STK39: variants seen among roughly 807,000 people sequenced by gnomAD.
The protein encoded by STK39 is serine/threonine kinase 39, also known as STE20/SPS1-related proline-alanine-rich protein kinase.
Under a neutral mutation model 77.8 loss-of-function variants are expected in STK39, and 20 were observed. The ratio of observed to expected loss-of-function variants is 0.26; its 90% CI spans 0.18 to 0.37. The LOEUF is 0.37. STK39 is among the 10% of genes least tolerant of loss of function. The pLI is 1.00. For missense variants in STK39, 479 were observed against 656.5 expected, an observed-to-expected ratio of 0.73 and a Z score of 2.95; for synonymous variants, 246 against 234.1, an observed-to-expected ratio of 1.05 and a Z score of -0.47.
At chr2:168,221,251 C>T (rs1274273977) in intron 1 of STK39, among the ~76,000 whole-genome samples, 1 of 152,108 alleles carries the variant, frequency 6.6e-6, no homozygotes, top group Non-Finnish European at 1.5e-5. Flanking sequence ...TGTTTCTTTT[C>T]GTTATTTCTC....
chr2:168,142,785 A>G (rs953050808), intron 5 of STK39, among the ~76,000 whole-genome samples: 13 of 152,330 alleles, frequency 8.5e-5, no homozygotes, highest in African/African-American at 3.1e-4. Context: ...GGAGCAGAAA[A>G]CAACAATCCT....
chr2:168,171,768 G>A (rs1309342191), intron 2 of STK39, among the ~76,000 whole-genome samples: 1 of 151,970 alleles, frequency 6.6e-6, no homozygotes, highest in Non-Finnish European at 1.5e-5. Context: ...AATTACAGCT[G>A]TGAGCCACTG....
chr2:168,244,188 T>C (rs1306995378), intron 1 of STK39, among the ~76,000 whole-genome samples: 1 of 152,238 alleles, frequency 6.6e-6, no homozygotes, highest in Non-Finnish European at 1.5e-5. Context: ...ACTGACGTTT[T>C]AAAACACAAG....
intron 5 of STK39, among the ~76,000 whole-genome samples, chr2:168,154,695 A>T (rs1688379699): frequency 7.7e-6 from 1 of 130,386 alleles, no homozygotes; most frequent in African/African-American, 3.4e-5. Context: ...TGACTGTTTA[A>T]TGTGTCACCT....
chr2:168,033,177 C>T (rs572546248), intron 14 of STK39, among the ~76,000 whole-genome samples: 1 of 151,982 alleles, frequency 6.6e-6, no homozygotes, highest in East Asian at 1.9e-4. Flanking sequence ...TGTAAGTATA[C>T]TTGACAACAT....
At chr2:168,195,978 T>C (rs913517315) in intron 1 of STK39, among the ~76,000 whole-genome samples, 2 of 151,676 alleles carry the variant, frequency 1.3e-5, no homozygotes, top group African/African-American at 2.4e-5. Flanking sequence ...GATCGTGCCA[T>C]TGCACTCCAG....
chr2:168,000,925 G>A (rs1009852732), intron 16 of STK39, among the ~76,000 whole-genome samples: 1 of 152,108 alleles, frequency 6.6e-6, no homozygotes, highest in African/African-American at 2.4e-5. Context: ...ACCTCTCATC[G>A]CTGACCAAAT....
rs113908487 is a variant in STK39 at position 168,122,189 on chromosome 2, C to T, written c.1089+7352G>A. Reference sequence around the variant, plus strand: ...TTTCGATTCTCACCCTCTTGCTATCCTCCACCCTCAAGTAGGCCCTCATGT... The same window carrying T: ...TTTCGATTCTCACCCTCTTGCTATCTTCCACCCTCAAGTAGGCCCTCATGT... On this transcript the variant is annotated intron_variant, in intron 10 of 17. Transcript: ENST00000355999. Among the ~76,000 whole-genome samples the T allele has an allele frequency of 1.6e-3, 249 of 152,236 alleles. 1 individual carries two copies. The highest frequency in any genetic ancestry group is 5.6e-3 in the African/African-American group (234 of 41,538).
intron 14 of STK39, among the ~76,000 whole-genome samples, chr2:168,031,130 C>T (rs1684823093): frequency 6.6e-6 from 1 of 152,096 alleles, no homozygotes; most frequent in South Asian, 2.1e-4. Flanking sequence ...TGGAGAAGAG[C>T]GGAGTGGGTG....
chr2:168,141,165 T>A (rs1378026224), intron 5 of STK39, among the ~76,000 whole-genome samples: 1 of 152,218 alleles, frequency 6.6e-6, no homozygotes, highest in Non-Finnish European at 1.5e-5. Flanking sequence ...AAGTAAATAA[T>A]ATTTTTCTTA....
chr2:168,173,761 C>T (rs2105611718), intron 2 of STK39, among the ~76,000 whole-genome samples: 1 of 152,244 alleles, frequency 6.6e-6, no homozygotes, highest in East Asian at 1.9e-4. Context: ...TTTGGCCAGG[C>T]TGGTCTTGAA....
chr2:168,208,077 T>C (rs2105689810), intron 1 of STK39, among the ~76,000 whole-genome samples: 1 of 152,296 alleles, frequency 6.6e-6, no homozygotes, highest in Middle Eastern at 3.4e-3. Flanking sequence ...AGCAGAAATA[T>C]GGTCATACAT....
At chr2:168,243,320 A>C (rs1383792320) in intron 1 of STK39, among the ~76,000 whole-genome samples, 1 of 152,236 alleles carries the variant, frequency 6.6e-6, no homozygotes, top group Non-Finnish European at 1.5e-5. Context: ...AGACCTGGCC[A>C]TATGTGCTAT....
At chr2:168,197,244 A>G (rs1164017032) in intron 1 of STK39, among the ~76,000 whole-genome samples, 2 of 152,252 alleles carry the variant, frequency 1.3e-5, no homozygotes, top group Admixed American at 6.5e-5. Flanking sequence ...ACTTGCTGAT[A>G]GATTGGAAGT....
chr2:168,095,576 T>A (rs1461272635), intron 10 of STK39, among the ~76,000 whole-genome samples: 1 of 149,910 alleles, frequency 6.7e-6, no homozygotes, highest in Non-Finnish European at 1.5e-5. Context: ...ATCCCCACTA[T>A]CATCAAAAGC....
intron 16 of STK39, among the ~76,000 whole-genome samples, chr2:167,999,763 G>A (rs1329952467): frequency 6.6e-6 from 1 of 152,082 alleles, no homozygotes; most frequent in Non-Finnish European, 1.5e-5. Context: ...CGCCCGGCCC[G>A]AGATGCTTGC....
At chr2:168,210,676 C>A (rs1689867494) in intron 1 of STK39, among the ~76,000 whole-genome samples, 1 of 152,168 alleles carries the variant, frequency 6.6e-6, no homozygotes, top group African/African-American at 2.4e-5. Flanking sequence ...CCTGCCACCA[C>A]ACCCGGCTAA....
chr2:168,043,652 A>G (rs1685166589), intron 14 of STK39, among the ~76,000 whole-genome samples: 1 of 152,192 alleles, frequency 6.6e-6, no homozygotes. Context: ...ACCACCAACA[A>G]AGATGTAGGA....
chr2:168,113,773 G>A (rs983604441), intron 10 of STK39, among the ~76,000 whole-genome samples: 1 of 152,130 alleles, frequency 6.6e-6, no homozygotes, highest in East Asian at 1.9e-4. Flanking sequence ...CTGGTTAAAG[G>A]GCCCAGGTAT....
Sources: gnomAD v4.1 joint callset for allele counts (sites outside exome capture counted in the v4.1 genomes callset) on GRCh38, gnomAD v4.1.1 for gene constraint, MANE v1.5 for transcripts, NCBI Gene and HGNC (gene_info 2026-07-23, HGNC 2026-07-21) for gene names.